PIK3R3: variants seen among roughly 807,000 people sequenced by gnomAD.
The protein encoded by PIK3R3 is phosphatidylinositol 3-kinase regulatory subunit gamma.
PIK3R3 carries 64 observed loss-of-function variants against 62.9 expected under a neutral mutation model. That is an observed-to-expected ratio of 1.02 (90% confidence interval 0.83 to 1.25). The LOEUF is 1.25. Ranked by LOEUF, PIK3R3 falls within the 50% of genes most tolerant of loss-of-function variation. The pLI is 0.00. For missense variants in PIK3R3, 614 were observed against 561.6 expected (o/e 1.09, Z -0.94); for synonymous variants, 165 against 189.0 (o/e 0.87, Z 1.04).
At chr1:46,128,145 A>G (rs1655253634) in intron 1 of PIK3R3, among the ~76,000 whole-genome samples, 1 of 152,224 alleles carries the variant, frequency 6.6e-6, no homozygotes, top group African/African-American at 2.4e-5. Flanking sequence ...TCTAAAATTA[A>G]GATGAAAGGC....
Position 46,065,977 on chromosome 1 carries a change from A to G in PIK3R3, c.621+77T>C, listed in dbSNP as rs140721305. The stretch of plus-strand genomic sequence containing the variant: ...TAAGACATTAAAACAGCTAAAGATC[A>G]TCAAGTGAATGATCGAAAATTTGAT... On this transcript the variant is annotated intron_variant, in intron 5 of 9. Coordinates refer to ENST00000262741, the MANE Select transcript of PIK3R3 (RefSeq NM_003629.4). 62 of 1,295,594 alleles carry G rather than the reference A, an allele frequency of 4.8e-5. No homozygotes were observed. In the African/African-American group the frequency reaches 8.2e-4, roughly 17 times the overall value. The allele number at this position is 1,295,594 out of a possible 1,614,324, so 80.3% of individuals were successfully genotyped here.
At position 46,067,077 on chromosome 1, in the gene PIK3R3, T is replaced by C. The variant is rs1422543635; in HGVS notation, c.329A>G (p.Asn110Ser). ...YTLTLRKGGN[N>S]KLIKIYHRDG... ...CCGGTGATAGATCTTTATTAACTTA[T>C]TATTGCCTCCCTTCCTGTGAACAAC... Residue 110 changes from asparagine to serine, a missense_variant, in exon 4 of 10, where the codon AAT becomes AGT. By Grantham distance (46) the Asn-to-Ser change is conservative. Coordinates refer to ENST00000262741, the MANE Select transcript of PIK3R3 (RefSeq NM_003629.4). 3 of 1,571,012 alleles carry C rather than the reference T, an allele frequency of 1.9e-6. No individual in the cohort carries two copies. The highest frequency in any genetic ancestry group is 2.6e-6 in the Non-Finnish European group (3 of 1,160,854).
At chr1:46,058,108 G>A (rs1207801574) in intron 6 of PIK3R3, among the ~76,000 whole-genome samples, 1 of 152,254 alleles carries the variant, frequency 6.6e-6, no homozygotes, top group Non-Finnish European at 1.5e-5. Flanking sequence ...TGGCTGAAAG[G>A]GGCCAACATA....
At chr1:46,171,414 G>C in the PIK3R3 span, among the ~76,000 whole-genome samples, 1 of 152,218 alleles carries the variant, frequency 6.6e-6, no homozygotes, top group Non-Finnish European at 1.5e-5. Context: ...TGGGAAGAAG[G>C]GTTAAGCACT....
intron 1 of PIK3R3, among the ~76,000 whole-genome samples, chr1:46,084,819 T>C (rs1243732444): frequency 6.6e-6 from 1 of 152,164 alleles, no homozygotes; most frequent in Non-Finnish European, 1.5e-5. Flanking sequence ...AACTTTAAGG[T>C]CAAACACTAA....
At chr1:46,124,110 T>C (rs1418479376) in intron 1 of PIK3R3, among the ~76,000 whole-genome samples, 1 of 151,974 alleles carries the variant, frequency 6.6e-6, no homozygotes, top group Non-Finnish European at 1.5e-5. Flanking sequence ...CCCAAAGAGG[T>C]AGACATGGGA....
intron 6 of PIK3R3, among the ~76,000 whole-genome samples, chr1:46,060,443 T>C (rs554981979): frequency 6.6e-5 from 10 of 152,250 alleles, no homozygotes; most frequent in African/African-American, 1.9e-4. Flanking sequence ...TGAGCCAAGA[T>C]GGCACCACTG....
upstream of PIK3R3, among the ~76,000 whole-genome samples, chr1:46,135,982 A>G (rs1655913937): frequency 6.7e-6 from 1 of 148,594 alleles, no homozygotes; most frequent in South Asian, 2.1e-4. Flanking sequence ...GTGAGCCGAC[A>G]TCACGCCATT....
intron 2 of PIK3R3, among the ~76,000 whole-genome samples, chr1:46,077,968 T>A (rs1571428377): frequency 6.6e-6 from 1 of 152,312 alleles, no homozygotes; most frequent in East Asian, 1.9e-4. Context: ...AGAAAGAAGG[T>A]TATATTTAAG....
intron 1 of PIK3R3, among the ~76,000 whole-genome samples, chr1:46,129,178 C>A (rs1655354143): frequency 6.6e-6 from 1 of 151,972 alleles, no homozygotes; most frequent in Admixed American, 6.6e-5. Flanking sequence ...CCAAAGGTAT[C>A]TGACCTGGGT....
chr1:46,115,068 CTG>C (rs1654065967), intron 1 of PIK3R3, among the ~76,000 whole-genome samples: 1 of 152,112 alleles, frequency 6.6e-6, no homozygotes, highest in South Asian at 2.1e-4. Context: ...GGATTTTGCA[CTG>C]TATTTGTAGG....
At chr1:46,098,407 T>C (rs1652345977) in intron 1 of PIK3R3, among the ~76,000 whole-genome samples, 1 of 152,356 alleles carries the variant, frequency 6.6e-6, no homozygotes, top group Middle Eastern at 3.4e-3. Flanking sequence ...TGAATGTTCA[T>C]GGCAGCATTA....
intron 1 of PIK3R3, among the ~76,000 whole-genome samples, chr1:46,122,170 C>T (rs1424660044): frequency 6.6e-6 from 1 of 151,856 alleles, no homozygotes; most frequent in African/African-American, 2.4e-5. Context: ...CAAATATGCA[C>T]AAGGAACAAT....
At chr1:46,170,336 T>G in the PIK3R3 span, among the ~76,000 whole-genome samples, 1 of 152,170 alleles carries the variant, frequency 6.6e-6, no homozygotes, top group East Asian at 1.9e-4. Flanking sequence ...TATCCCCACC[T>G]GCTGCCCCCT....
chr1:46,149,876 C>T, the PIK3R3 span, among the ~76,000 whole-genome samples: 2 of 152,062 alleles, frequency 1.3e-5, no homozygotes, highest in African/African-American at 2.4e-5. Flanking sequence ...CCAGGAAATC[C>T]GTGTAAACTC....
intron 2 of PIK3R3, among the ~76,000 whole-genome samples, chr1:46,077,815 G>A (rs1324636403): frequency 1.3e-5 from 2 of 152,050 alleles, no homozygotes; most frequent in Non-Finnish European, 2.9e-5. Context: ...TTGGTGTTAC[G>A]CAATCTACAG....
intron 8 of PIK3R3, 126 bp from the exon 9 acceptor site, chr1:46,046,214 G>A (rs910564162): frequency 3.0e-5 from 19 of 629,882 alleles, no homozygotes; most frequent in Non-Finnish European, 5.3e-5. Context: ...TTATTTGGGT[G>A]TTAACTTCAT....
chr1:46,146,470 C>G, the PIK3R3 span, among the ~76,000 whole-genome samples: 1 of 152,106 alleles, frequency 6.6e-6, no homozygotes, highest in East Asian at 1.9e-4. Flanking sequence ...GCAACATACT[C>G]AATATCATAT....
intron 1 of PIK3R3, among the ~76,000 whole-genome samples, chr1:46,085,710 T>C (rs552927615): frequency 3.9e-5 from 6 of 152,352 alleles, no homozygotes; most frequent in Non-Finnish European, 8.8e-5. Context: ...TAGGATACAT[T>C]AGTTATCTTT....
Sources: gnomAD v4.1 joint callset for allele counts (sites outside exome capture counted in the v4.1 genomes callset) on GRCh38, gnomAD v4.1.1 for gene constraint, MANE v1.5 for transcripts, NCBI Gene and HGNC (gene_info 2026-07-23, HGNC 2026-07-21) for gene names.